The following IL12RB2 variants were observed in gnomAD, a reference collection of about 807,000 sequenced individuals.
IL12RB2 encodes interleukin 12 receptor subunit beta 2, also known as interleukin-12 receptor subunit beta-2.
IL12RB2 carries 82 observed loss-of-function variants against 89.4 expected under a neutral mutation model. The observed-to-expected ratio is 0.92, with a 90% CI of 0.77 to 1.10. The LOEUF is 1.10. Among genes scored for constraint, IL12RB2 ranks in the 50% least tolerant of loss-of-function variants. The pLI, the probability that IL12RB2 is intolerant of heterozygous loss-of-function variation, is 0.00. For synonymous variants in IL12RB2, 368 were observed against 370.1 expected, an observed-to-expected ratio of 0.99 and a Z score of 0.07; for missense variants, 963 against 1,031.9, an observed-to-expected ratio of 0.93 and a Z score of 0.92.
At chr1:67,345,122 A>G (rs981822936) in intron 9 of IL12RB2, among the ~76,000 whole-genome samples, 2 of 152,204 alleles carry the variant, frequency 1.3e-5, no homozygotes, top group Non-Finnish European at 2.9e-5. Context: ...GTGAGCCGAG[A>G]TCACGCCACT....
chr1:67,335,290 G>T (rs1658620207), intron 8 of IL12RB2, among the ~76,000 whole-genome samples: 1 of 152,192 alleles, frequency 6.6e-6, no homozygotes, highest in Non-Finnish European at 1.5e-5. Context: ...AAAGCAAGAG[G>T]GAGCGGGGTC....
rs372621019 is a variant in IL12RB2, at chr1:67,338,862, A to AG, written c.1038+163dup. On this transcript the variant is annotated intron_variant, in intron 9 of 16. Transcript: ENST00000674203. Reference sequence around the variant, plus strand: ...ACAGTGTCATGTGCCTTTGGTGGATAGGGGTGAGAGCTGAGTTCCTTCTTC... The same window carrying AG: ...ACAGTGTCATGTGCCTTTGGTGGATAGGGGGTGAGAGCTGAGTTCCTTCTTC... 1.5e-3 allele frequency: 1,012 copies of AG among 664,578 alleles called. 9 individuals carry two copies. The African/African-American group carries it at 0.016, about 11-fold the overall frequency. 41.2% of individuals were successfully genotyped at this position (664,578 alleles called of 1,614,324 possible). A position where few individuals can be genotyped will look rare whatever the true frequency, so the allele number is the denominator to read the frequency against.
chr1:67,341,522 A>AG (rs11418272), intron 9 of IL12RB2, among the ~76,000 whole-genome samples: 9,975 of 91,106 alleles, frequency 0.11, 554 homozygotes, highest in African/African-American at 0.2. Flanking sequence ...AGGAAAGAAA[A>AG]AAGAAAGAGA....
chr1:67,325,774 G>A (rs1657200693), intron 4 of IL12RB2, among the ~76,000 whole-genome samples: 2 of 152,132 alleles, frequency 1.3e-5, no homozygotes, highest in Non-Finnish European at 2.9e-5. Flanking sequence ...CAATAGCTAG[G>A]ACTTCTGTAG....
Position 67,330,793 on chromosome 1 carries a change from C to A in IL12RB2, c.941C>A (p.Ala314Glu). ...AGTGATTGGAGTGAATCATTGAGAGCACAAACACCAGAAGAAGGTATATGT... is the reference window on the plus strand; with the variant it reads ...AGTGATTGGAGTGAATCATTGAGAGAACAAACACCAGAAGAAGGTATATGT... ...SWSDWSESLR[A>E]QTPEEEPTGM... is the part of the protein sequence containing the mutation. Residue 314 changes from alanine to glutamate, a missense_variant, in exon 8 of 17, where the codon GCA becomes GAA. Physicochemically the swap from Ala to Glu is moderately radical, Grantham distance 107. Coordinates refer to ENST00000674203, the MANE Select transcript of IL12RB2 (RefSeq NM_001374259.2). 6.4e-7 allele frequency: 1 copy of A among 1,571,254 alleles called. No homozygotes were observed. The highest frequency in any genetic ancestry group is 8.8e-7 in the Non-Finnish European group (1 of 1,141,282).
At chr1:67,343,503 A>C (rs1659885523) in intron 9 of IL12RB2, among the ~76,000 whole-genome samples, 1 of 152,154 alleles carries the variant, frequency 6.6e-6, no homozygotes, top group South Asian at 2.1e-4. Context: ...AAAAGTAAAA[A>C]ATGTTGCTTG....
intron 14 of IL12RB2, among the ~76,000 whole-genome samples, chr1:67,384,758 G>T (rs918140814): frequency 2.6e-5 from 4 of 152,152 alleles, no homozygotes; most frequent in African/African-American, 7.2e-5. Context: ...GATCTCTGGG[G>T]CAGGTACAAA....
chr1:67,340,474 C>G (rs2100759646), intron 9 of IL12RB2, among the ~76,000 whole-genome samples: 1 of 152,338 alleles, frequency 6.6e-6, no homozygotes, highest in Non-Finnish European at 1.5e-5. Flanking sequence ...ACGTGTTAAT[C>G]TATTCCACGC....
In IL12RB2 at chr1:67,351,028, A is replaced by C. The variant is rs1343226331; in HGVS notation, c.1197A>C (p.Ala399=). ...GAAATTGGGCTGTGGCTGTGTCTGC[A>C]GCAAATTCAAAAGGCAGTTCTCTGC... The part of the protein sequence containing the change: ...RTGNWAVAVS[A]ANSKGSSLPT... Residue 399 remains alanine, a synonymous_variant, in exon 10 of 17, where the codon GCA becomes GCC. Transcript: ENST00000674203. 6.2e-7 allele frequency: 1 copy of C among 1,613,994 alleles called. No homozygotes were observed. Among genetic ancestry groups the C allele is most frequent in the Non-Finnish European group, 8.5e-7 (1 of 1,180,002 alleles).
At chr1:67,385,342 C>G (rs1384229886) in intron 14 of IL12RB2, among the ~76,000 whole-genome samples, 5 of 152,164 alleles carry the variant, frequency 3.3e-5, no homozygotes, top group African/African-American at 4.8e-5. Context: ...CCATCAGATT[C>G]TTGTGAGAAC....
At chr1:67,326,612 G>T in intron 4 of IL12RB2, 123 bp from the exon 5 acceptor site, 1 of 1,464,340 alleles carries the variant, frequency 6.8e-7, no homozygotes, top group Non-Finnish European at 9.2e-7. Flanking sequence ...ATCTAAAATA[G>T]CTTCTAGTTT....
At position 67,330,823 on chromosome 1, in the gene IL12RB2, A is replaced by G; in HGVS notation, c.958+13A>G. On this transcript the variant is annotated intron_variant, in intron 8 of 16. Coordinates refer to ENST00000674203, the MANE Select transcript of IL12RB2 (RefSeq NM_001374259.2). The stretch of plus-strand genomic sequence containing the variant: ...ACACCAGAAGAAGGTATATGTCCAA[A>G]ATATACATACCTATCGGGGAGCAAT... 1 of 1,422,964 alleles carries G rather than the reference A, an allele frequency of 7.0e-7. No individual in the cohort carries two copies. Among genetic ancestry groups the G allele is most frequent in the Non-Finnish European group, 9.9e-7 (1 of 1,005,842 alleles). 88.1% of individuals were successfully genotyped at this position (1,422,964 alleles called of 1,614,324 possible). A position where few individuals can be genotyped will look rare whatever the true frequency, so the allele number is the denominator to read the frequency against.
Position 67,390,105 on chromosome 1 carries a change from G to T in IL12RB2, c.2023G>T (p.Ala675Ser). 7.8e-7 allele frequency: 1 copy of T among 1,285,058 alleles called. No individual in the cohort carries two copies. Among genetic ancestry groups the T allele is most frequent in the Non-Finnish European group, 1.1e-6 (1 of 879,052 alleles). 79.6% of individuals were successfully genotyped at this position (1,285,058 alleles called of 1,614,324 possible). Reference sequence around the variant, plus strand: ...TCCAGATCCAGCAAATAGCACTTGCGCTAAGAAATATCCCATTGCAGAGGT... The same window carrying T: ...TCCAGATCCAGCAAATAGCACTTGCTCTAAGAAATATCCCATTGCAGAGGT... ...EIPDPANSTC[A>S]KKYPIAEEKT... The change falls in exon 16 of 17, where the codon GCT (alanine) becomes TCT (serine). Residue 675 changes from alanine to serine, a missense_variant. By Grantham distance (99) the Ala-to-Ser change is moderately conservative. Transcript: ENST00000674203.
intron 16 of IL12RB2, 76 bp downstream of exon 16, chr1:67,390,204 G>A (rs1172573038): frequency 2.0e-5 from 16 of 813,724 alleles, no homozygotes; most frequent in Middle Eastern, 2.2e-4. Context: ...TTGTAGTTAC[G>A]AGGAAGCCTG....
At chr1:67,361,975 A>G (rs899231918) in intron 10 of IL12RB2, among the ~76,000 whole-genome samples, 2 of 152,234 alleles carry the variant, frequency 1.3e-5, no homozygotes, top group Admixed American at 6.5e-5. Context: ...TAACTTCTTC[A>G]AAGAAACCAT....
intron 9 of IL12RB2, among the ~76,000 whole-genome samples, chr1:67,341,010 T>C (rs908628117): frequency 1.3e-5 from 2 of 152,332 alleles, no homozygotes; most frequent in Middle Eastern, 3.4e-3. Context: ...GCCCATGCCA[T>C]GGTTGAACAT....
intron 4 of IL12RB2, among the ~76,000 whole-genome samples, chr1:67,324,292 G>T (rs568006767): frequency 6.6e-6 from 1 of 152,250 alleles, no homozygotes; most frequent in Non-Finnish European, 1.5e-5. Context: ...GCGCAATCTC[G>T]TCTCACTTCA....
Position 67,396,250 on chromosome 1 carries a change from T to C in IL12RB2, c.*161T>C. 1 of 730,630 alleles carries C rather than the reference T, an allele frequency of 1.4e-6. No individual in the cohort carries two copies. The highest frequency in any genetic ancestry group is 1.4e-5 in the South Asian group (1 of 69,514). The allele number at this position is 730,630 out of a possible 1,614,324, so 45.3% of individuals were successfully genotyped here. A position where few individuals can be genotyped will look rare whatever the true frequency, so the allele number is the denominator to read the frequency against. ...CCAGCTCTGGGGGAGTCTTAGGAAC[T>C]GGGAGTTGGTCTTCACTCAGATGCC... On this transcript the variant is annotated 3_prime_UTR_variant, in exon 17 of 17. Transcript: ENST00000674203.
intron 13 of IL12RB2, among the ~76,000 whole-genome samples, chr1:67,374,331 G>A (rs1663704616): frequency 6.6e-6 from 1 of 152,200 alleles, no homozygotes; most frequent in Non-Finnish European, 1.5e-5. Context: ...AGTCAGTTCT[G>A]AAATGCACCC....
Sources: gnomAD v4.1 joint callset for allele counts (sites outside exome capture counted in the v4.1 genomes callset) on GRCh38, gnomAD v4.1.1 for gene constraint, MANE v1.5 for transcripts, NCBI Gene and HGNC (gene_info 2026-07-23, HGNC 2026-07-21) for gene names.